Variants in FRAS1 observed in about 807,000 individuals in gnomAD.
The protein encoded by FRAS1 is extracellular matrix organizing protein FRAS1.
FRAS1 carries 290 observed loss-of-function variants against 435.2 expected under a neutral mutation model. The observed-to-expected ratio is 0.67, with a 90% CI of 0.61 to 0.73. The LOEUF (loss-of-function observed/expected upper bound fraction) is 0.73. Ranked by LOEUF, FRAS1 falls within the 30% of genes least tolerant of loss-of-function variation. The pLI, the probability that FRAS1 is intolerant of heterozygous loss-of-function variation, is 0.00. For missense variants in FRAS1, 4,860 were observed against 5,001.5 expected, an observed-to-expected ratio of 0.97 and a Z score of 0.85; for synonymous variants, 1,800 against 1,851.0, an observed-to-expected ratio of 0.97 and a Z score of 0.71.
rs369609204 is a variant in FRAS1, at chr4:78,252,441, A to G, written c.359A>G (p.His120Arg). 4 of 1,613,178 alleles carry G rather than the reference A, an allele frequency of 2.5e-6. No homozygotes were observed. In the African/African-American group the frequency reaches 4.0e-5, roughly 16 times the overall value. ...CCATGTAGTGTGTGCTCTTGCAATC[A>G]TGGGGAAGTCCGATGTACCCCCCAA... The part of the protein sequence containing the change: ...SSPCSVCSCN[H>R]GEVRCTPQPC... Residue 120 changes from histidine (H) to arginine (R), a missense_variant, in exon 5 of 74, where the codon CAT becomes CGT. By Grantham distance (29) the His-to-Arg change is conservative (BLOSUM62 0). Transcript: ENST00000512123.
chr4:78,479,027 G>C (rs187616808), intron 55 of FRAS1, among the ~76,000 whole-genome samples: 4 of 152,294 alleles, frequency 2.6e-5, no homozygotes, highest in African/African-American at 7.2e-5. Flanking sequence ...CTACCTTCAG[G>C]ACACAATTAC....
chr4:78,118,772 G>A (rs1319071765), intron 2 of FRAS1, among the ~76,000 whole-genome samples: 1 of 152,160 alleles, frequency 6.6e-6, no homozygotes, highest in Non-Finnish European at 1.5e-5. Flanking sequence ...CTTCCCGGGT[G>A]AGGCAATGCC....
At chr4:78,207,181 GGAAAT>G (rs1723296964) in intron 2 of FRAS1, among the ~76,000 whole-genome samples, 1 of 152,158 alleles carries the variant, frequency 6.6e-6, no homozygotes, top group Non-Finnish European at 1.5e-5. Context: ...TGCAAAGTCT[GGAAAT>G]GAAATGGAAT....
chr4:78,377,312 G>A (rs925816255), intron 26 of FRAS1, among the ~76,000 whole-genome samples: 2 of 152,058 alleles, frequency 1.3e-5, no homozygotes, highest in Non-Finnish European at 2.9e-5. Context: ...TTATTTTTGG[G>A]GAATCTTTCT....
chr4:78,279,486 T>C (rs980690901), intron 10 of FRAS1, among the ~76,000 whole-genome samples: 24 of 151,918 alleles, frequency 1.6e-4, no homozygotes, highest in Admixed American at 5.2e-4. Flanking sequence ...GGTTTTGTAA[T>C]GGTCCTGGCA....
chr4:78,193,323 G>T (rs569023366), intron 2 of FRAS1, among the ~76,000 whole-genome samples: 2 of 152,124 alleles, frequency 1.3e-5, no homozygotes, highest in African/African-American at 4.8e-5. Context: ...TCCTGGATAT[G>T]CTTGTTAACT....
At chr4:78,429,505 T>C (rs1468329099) in intron 36 of FRAS1, among the ~76,000 whole-genome samples, 1 of 152,024 alleles carries the variant, frequency 6.6e-6, no homozygotes, top group East Asian at 1.9e-4. Flanking sequence ...TATAAAGTAA[T>C]AGAGCGGCGA....
intron 14 of FRAS1, among the ~76,000 whole-genome samples, chr4:78,307,478 C>A (rs1336218360): frequency 1.3e-5 from 2 of 152,208 alleles, no homozygotes; most frequent in East Asian, 3.9e-4. Flanking sequence ...TGCCGCCTTG[C>A]AGTTTGATCT....
intron 58 of FRAS1, among the ~76,000 whole-genome samples, chr4:78,487,585 CA>C (rs1380880777): frequency 6.6e-6 from 1 of 152,104 alleles, no homozygotes; most frequent in Non-Finnish European, 1.5e-5. Flanking sequence ...CAGCAGTCAA[CA>C]AAATGTTGAC....
chr4:78,248,194 T>C (rs1725342621), intron 4 of FRAS1, among the ~76,000 whole-genome samples: 1 of 152,198 alleles, frequency 6.6e-6, no homozygotes, highest in South Asian at 2.1e-4. Context: ...GGGTTTATTA[T>C]AGCCAGGATT....
intron 20 of FRAS1, among the ~76,000 whole-genome samples, chr4:78,344,046 C>A (rs1730505167): frequency 8.9e-6 from 1 of 111,738 alleles, no homozygotes; most frequent in African/African-American, 4.7e-5. Context: ...ATGCCTGGTT[C>A]AGATTCCTTC....
intron 9 of FRAS1, among the ~76,000 whole-genome samples, chr4:78,272,470 T>C (rs1452431957): frequency 5.3e-5 from 8 of 152,218 alleles, no homozygotes. Flanking sequence ...CTTTAATCCA[T>C]CTTGAATTAA....
chr4:78,068,526 T>G (rs533453432), intron 2 of FRAS1: 1 of 456,262 alleles, frequency 2.2e-6, no homozygotes, highest in South Asian at 1.5e-5. Flanking sequence ...TGGTGAGCCT[T>G]GTGCAGACTT....
chr4:78,335,679 C>T (rs1327840382), intron 19 of FRAS1, among the ~76,000 whole-genome samples: 1 of 152,196 alleles, frequency 6.6e-6, no homozygotes, highest in Non-Finnish European at 1.5e-5. Context: ...GGTAACTGTG[C>T]ACTTCCCAGC....
chr4:78,093,292 C>T (rs781631511), intron 2 of FRAS1, among the ~76,000 whole-genome samples: 17 of 152,124 alleles, frequency 1.1e-4, no homozygotes, highest in Admixed American at 4.6e-4. Context: ...ACTGTGCAGG[C>T]GCCATGAAAA....
intron 66 of FRAS1, among the ~76,000 whole-genome samples, chr4:78,518,665 A>C (rs944560686): frequency 6.6e-6 from 1 of 152,142 alleles, no homozygotes; most frequent in Non-Finnish European, 1.5e-5. Flanking sequence ...CTTAGAAGAA[A>C]TGTTCTCTTG....
chr4:78,524,905 T>C (rs946316540), intron 69 of FRAS1, among the ~76,000 whole-genome samples: 4 of 152,100 alleles, frequency 2.6e-5, no homozygotes, highest in Admixed American at 6.6e-5. Flanking sequence ...ATTAGAATGT[T>C]CCCAGTAGAC....
chr4:78,258,448 G>C (rs1725898327), intron 6 of FRAS1, among the ~76,000 whole-genome samples: 2 of 151,356 alleles, frequency 1.3e-5, no homozygotes, highest in Admixed American at 6.6e-5. Context: ...AAGACAATTG[G>C]GGGTATCTAA....
At chr4:78,239,165 A>G (rs1724891282) in intron 3 of FRAS1, among the ~76,000 whole-genome samples, 2 of 152,170 alleles carry the variant, frequency 1.3e-5, no homozygotes, top group South Asian at 2.1e-4. Flanking sequence ...CATCTTTGTT[A>G]TATATCAAAC....
Sources: allele counts gnomAD v4.1 joint callset (sites outside exome capture counted in the v4.1 genomes callset), GRCh38; gene constraint gnomAD v4.1.1; transcripts MANE v1.5; gene names NCBI Gene and HGNC (gene_info 2026-07-23, HGNC 2026-07-21).